Variants in ADCK1 observed in about 807,000 individuals in gnomAD.
The protein encoded by ADCK1 is aarF domain containing kinase 1.
In ADCK1, 41 loss-of-function variants were observed where a neutral mutation model predicts 52.3. That is an observed-to-expected ratio of 0.78 (90% confidence interval 0.61 to 1.02). The LOEUF (loss-of-function observed/expected upper bound fraction) is 1.02, where lower values mean the gene tolerates loss of function less well. ADCK1 is among the 50% of genes least tolerant of loss of function. The pLI is 0.00. For synonymous variants in ADCK1, 250 were observed against 274.6 expected (o/e 0.91, Z 0.89); for missense variants, 658 against 679.5 (o/e 0.97, Z 0.35).
chr14:77,870,693 T>G (rs1233315559), intron 4 of ADCK1, among the ~76,000 whole-genome samples: 1 of 152,206 alleles, frequency 6.6e-6, no homozygotes, highest in Non-Finnish European at 1.5e-5. Context: ...GGTTGGGCAG[T>G]GAGTCAGGAG....
intron 1 of ADCK1, among the ~76,000 whole-genome samples, chr14:77,817,890 C>G (rs1043355106): frequency 1.4e-5 from 2 of 141,772 alleles, no homozygotes; most frequent in Non-Finnish European, 3.0e-5. Flanking sequence ...CGCCCGCCAC[C>G]ACGCCTGGCT....
intron 3 of ADCK1, among the ~76,000 whole-genome samples, chr14:77,834,341 T>C (rs888637): frequency 0.021 from 3,195 of 152,324 alleles, 122 homozygotes; most frequent in African/African-American, 0.074. Context: ...ATACCATCAC[T>C]GCTGCAAGGT....
intron 1 of ADCK1, among the ~76,000 whole-genome samples, chr14:77,816,881 A>T (rs150780241): frequency 9.1e-6 from 1 of 110,024 alleles, no homozygotes; most frequent in Non-Finnish European, 2.0e-5. Context: ...GTAGATGGTA[A>T]ATATATATAT....
intron 1 of ADCK1, among the ~76,000 whole-genome samples, chr14:77,810,337 A>G (rs1331085194): frequency 6.6e-6 from 1 of 151,026 alleles, no homozygotes; most frequent in African/African-American, 2.4e-5. Context: ...CTAGTCTTGA[A>G]CTCCTGGACT....
chr14:77,899,819 C>T (rs2083491797), intron 6 of ADCK1, among the ~76,000 whole-genome samples: 1 of 152,140 alleles, frequency 6.6e-6, no homozygotes, highest in African/African-American at 2.4e-5. Context: ...CCTGTAATCC[C>T]AGCACTTTGG....
At chr14:77,829,764 A>G (rs1393093790) in intron 3 of ADCK1, among the ~76,000 whole-genome samples, 1 of 151,424 alleles carries the variant, frequency 6.6e-6, no homozygotes, top group African/African-American at 2.4e-5. Context: ...ACTCTAAAAT[A>G]GTTAAGACCA....
At chr14:77,818,847 C>T in intron 1 of ADCK1, 121 bp from the exon 2 acceptor site, 6 of 1,147,606 alleles carry the variant, frequency 5.2e-6, no homozygotes, top group South Asian at 1.6e-5. Context: ...AACTAAGGCT[C>T]AGTGAGATTA....
intron 3 of ADCK1, among the ~76,000 whole-genome samples, chr14:77,848,946 C>T (rs185796451): frequency 6.6e-6 from 1 of 152,200 alleles, no homozygotes; most frequent in East Asian, 1.9e-4. Flanking sequence ...CTGCCTCAGC[C>T]TCCTGAGTAG....
At chr14:77,801,841 C>T (rs1189188168) in intron 1 of ADCK1, among the ~76,000 whole-genome samples, 2 of 152,028 alleles carry the variant, frequency 1.3e-5, no homozygotes, top group African/African-American at 2.4e-5. Context: ...ACTTGGGAGG[C>T]TGAGGAGGAG....
intron 3 of ADCK1, among the ~76,000 whole-genome samples, chr14:77,852,591 T>A (rs1371164242): frequency 2.5e-5 from 3 of 119,596 alleles, no homozygotes; most frequent in Non-Finnish European, 5.4e-5. Flanking sequence ...GTCCTTGAAT[T>A]TATTAGTTTA....
At chr14:77,910,553 C>G (rs1253736269) in intron 7 of ADCK1, among the ~76,000 whole-genome samples, 1 of 152,220 alleles carries the variant, frequency 6.6e-6, no homozygotes, top group Non-Finnish European at 1.5e-5. Context: ...CCAGAGGCCT[C>G]ATCCCCGCCA....
At chr14:77,820,336 T>G (rs936090887) in intron 2 of ADCK1, among the ~76,000 whole-genome samples, 22 of 151,886 alleles carry the variant, frequency 1.4e-4, no homozygotes, top group Admixed American at 1.3e-3. Flanking sequence ...TTTTTTTAAA[T>G]CTTTATTTTT....
chr14:77,907,980 G>C, intron 7 of ADCK1, 61 bp downstream of exon 7: 1 of 1,448,764 alleles, frequency 6.9e-7, no homozygotes, highest in Non-Finnish European at 9.7e-7. Flanking sequence ...AGGCTGCCCA[G>C]GAAGTGCCTG....
intron 4 of ADCK1, among the ~76,000 whole-genome samples, chr14:77,873,557 TTG>T (rs1468512351): frequency 6.6e-6 from 1 of 152,024 alleles, no homozygotes; most frequent in Non-Finnish European, 1.5e-5. Flanking sequence ...ATGTGTGCAC[TTG>T]TGTGTGTGTG....
At chr14:77,807,364 G>A (rs1393941186) in intron 1 of ADCK1, among the ~76,000 whole-genome samples, 1 of 151,788 alleles carries the variant, frequency 6.6e-6, no homozygotes, top group Non-Finnish European at 1.5e-5. Context: ...CACCGCGCCC[G>A]GCCTGGAGAC....
rs56396469 is a variant in ADCK1 at position 77,852,909 on chromosome 14, T to TATATATATATATA, written c.220-6167_220-6166insATATATATATATA. Among the ~76,000 whole-genome samples, 176 of 19,426 alleles carry TATATATATATATA rather than the reference T, an allele frequency of 9.1e-3. 1 individual carries two copies. The highest frequency in any genetic ancestry group is 0.036 in the Middle Eastern group (1 of 28). The allele number at this position is 19,426 out of a possible 152,430, so 12.7% of individuals were successfully genotyped here. ...TATATATATATATATATATATATAT[T>TATATATATATATA]TTTTTTTTTTTTTTTTTTTTTTAGA... On this transcript the variant is annotated intron_variant, in intron 3 of 10. Transcript: ENST00000238561.
chr14:77,895,794 G>A (rs1405548085), intron 5 of ADCK1, among the ~76,000 whole-genome samples: 1 of 152,084 alleles, frequency 6.6e-6, no homozygotes, highest in Admixed American at 6.6e-5. Flanking sequence ...GAATTTCAAG[G>A]GGTTGGTGAA....
intron 3 of ADCK1, among the ~76,000 whole-genome samples, chr14:77,850,437 A>G (rs894616920): frequency 6.6e-6 from 1 of 152,064 alleles, no homozygotes; most frequent in Non-Finnish European, 1.5e-5. Flanking sequence ...TTCTCTTTGC[A>G]GTTTCATTAG....
At chr14:77,863,094 A>G (rs1300271174) in intron 4 of ADCK1, among the ~76,000 whole-genome samples, 1 of 152,214 alleles carries the variant, frequency 6.6e-6, no homozygotes, top group Non-Finnish European at 1.5e-5. Flanking sequence ...CAGCCGGTGA[A>G]TAGTGGAGCA....
Sources: allele counts gnomAD v4.1 joint callset (sites outside exome capture counted in the v4.1 genomes callset), GRCh38; gene constraint gnomAD v4.1.1; transcripts MANE v1.5; gene names NCBI Gene and HGNC (gene_info 2026-07-23, HGNC 2026-07-21).